Variants in SLC24A3 observed in about 807,000 individuals in gnomAD.
SLC24A3 encodes the protein sodium/potassium/calcium exchanger 3.
Under a neutral mutation model 75.8 loss-of-function variants are expected in SLC24A3, and 28 were observed. The observed-to-expected ratio is 0.37, with a 90% CI of 0.27 to 0.51. The LOEUF is 0.51. SLC24A3 is among the 20% of genes least tolerant of loss of function. The pLI, the probability that SLC24A3 is intolerant of heterozygous loss-of-function variation, is 0.94. For missense variants in SLC24A3, 663 were observed against 847.8 expected (o/e 0.78, Z 2.71); for synonymous variants, 372 against 334.1 (o/e 1.11, Z -1.24).
chr20:19,430,426 A>G (rs1246040313), intron 2 of SLC24A3, among the ~76,000 whole-genome samples: 1 of 152,128 alleles, frequency 6.6e-6, no homozygotes, highest in Non-Finnish European at 1.5e-5. Context: ...GGTGAGGAAG[A>G]GAAAAAATAG....
chr20:19,392,673 G>T (rs540040133), intron 2 of SLC24A3, among the ~76,000 whole-genome samples: 1 of 152,152 alleles, frequency 6.6e-6, no homozygotes, highest in Non-Finnish European at 1.5e-5. Flanking sequence ...TGTTTGCCAG[G>T]CAATGGTCCT....
intron 2 of SLC24A3, among the ~76,000 whole-genome samples, chr20:19,489,042 T>C (rs1183912776): frequency 6.6e-6 from 1 of 152,218 alleles, no homozygotes; most frequent in African/African-American, 2.4e-5. Context: ...CCCGCATACG[T>C]CTTCTTTGCT....
chr20:19,372,430 G>A (rs1003068867), intron 2 of SLC24A3, among the ~76,000 whole-genome samples: 1 of 152,158 alleles, frequency 6.6e-6, no homozygotes, highest in Non-Finnish European at 1.5e-5. Flanking sequence ...ACTTTCTGAG[G>A]GTAAGGGATG....
chr20:19,525,362 G>A lies in SLC24A3; in HGVS notation c.348+9798G>A, dbSNP rs183042119. Among the ~76,000 whole-genome samples the A allele has an allele frequency of 2.2e-3, 334 of 152,270 alleles. 1 individual carries two copies. Among genetic ancestry groups the A allele is most frequent in the African/African-American group, 7.6e-3 (315 of 41,568 alleles). On this transcript the variant is annotated intron_variant, in intron 3 of 16. Transcript: ENST00000328041. ...CAGAAGCAGACCCTCAGACAAGGAGGCCAGGGCAGAGACTTTGGATGATGG... is the reference window on the plus strand; with the variant it reads ...CAGAAGCAGACCCTCAGACAAGGAGACCAGGGCAGAGACTTTGGATGATGG...
rs6136716 is a variant in SLC24A3 at position 19,415,004 on chromosome 20, T to C, written c.272-100484T>C. ...TATTTATTTTTACAGCCTTATAGTA[T>C]GTATCTTTAGTTAGAAACCACTTCA... On this transcript the variant is annotated intron_variant, in intron 2 of 16. Transcript: ENST00000328041. Among the ~76,000 whole-genome samples the C allele has an allele frequency of 2.8e-4, 42 of 152,372 alleles. No individual in the cohort carries two copies. The East Asian group carries it at 5.4e-3, about 20-fold the overall frequency.
At chr20:19,542,141 G>C (rs1309926450) in intron 3 of SLC24A3, among the ~76,000 whole-genome samples, 1 of 152,188 alleles carries the variant, frequency 6.6e-6, no homozygotes, top group African/African-American at 2.4e-5. Flanking sequence ...GCCCAGAGGA[G>C]GAAACACACT....
At chr20:19,253,641 G>A (rs749980235) in intron 1 of SLC24A3, among the ~76,000 whole-genome samples, 1 of 152,212 alleles carries the variant, frequency 6.6e-6, no homozygotes, top group African/African-American at 2.4e-5. Flanking sequence ...TCACCCCACT[G>A]TTACCCCCAT....
intron 6 of SLC24A3, among the ~76,000 whole-genome samples, chr20:19,591,099 G>A (rs951986150): frequency 6.6e-6 from 1 of 152,058 alleles, no homozygotes; most frequent in Non-Finnish European, 1.5e-5. Context: ...CCTGACAGAT[G>A]CTGTTGGTCC....
chr20:19,542,218 C>T (rs922772993), intron 3 of SLC24A3, among the ~76,000 whole-genome samples: 3 of 152,152 alleles, frequency 2.0e-5, no homozygotes, highest in Admixed American at 2.0e-4. Context: ...CCAATCTTCA[C>T]CTAGAGAATG....
At chr20:19,539,878 C>A (rs1297970982) in intron 3 of SLC24A3, among the ~76,000 whole-genome samples, 1 of 152,120 alleles carries the variant, frequency 6.6e-6, no homozygotes, top group Non-Finnish European at 1.5e-5. Context: ...ACCTAGCATG[C>A]CTGTGTGTTC....
chr20:19,295,398 G>A (rs1984034965), intron 2 of SLC24A3, among the ~76,000 whole-genome samples: 1 of 152,176 alleles, frequency 6.6e-6, no homozygotes, highest in South Asian at 2.1e-4. Context: ...ATGTTGAATA[G>A]GGGTGGTGAG....
At chr20:19,366,369 A>G (rs1385700208) in intron 2 of SLC24A3, among the ~76,000 whole-genome samples, 1 of 152,210 alleles carries the variant, frequency 6.6e-6, no homozygotes, top group Non-Finnish European at 1.5e-5. Flanking sequence ...ACGACCTTTA[A>G]ATGTCATTGA....
chr20:19,262,187 A>G, intron 1 of SLC24A3, among the ~76,000 whole-genome samples: 1 of 151,858 alleles, frequency 6.6e-6, no homozygotes, highest in African/African-American at 2.4e-5. Context: ...GCGGATCACG[A>G]GGTCAGGAGA....
chr20:19,530,881 T>C (rs2030285260), intron 3 of SLC24A3, among the ~76,000 whole-genome samples: 1 of 152,120 alleles, frequency 6.6e-6, no homozygotes, highest in African/African-American at 2.4e-5. Flanking sequence ...TAAACAGGTA[T>C]GGCTCCATGC....
At chr20:19,538,148 G>A (rs915501129) in intron 3 of SLC24A3, among the ~76,000 whole-genome samples, 26 of 152,238 alleles carry the variant, frequency 1.7e-4, no homozygotes, top group Admixed American at 1.0e-3. Flanking sequence ...AGGTGGCAAC[G>A]GTCACTCAAA....
intron 2 of SLC24A3, among the ~76,000 whole-genome samples, chr20:19,420,256 CT>C: frequency 2.3e-5 from 1 of 43,702 alleles, no homozygotes; most frequent in East Asian, 1.1e-3. Flanking sequence ...GGTTCCAAGT[CT>C]TTGCTATTGT....
At chr20:19,656,725 G>A (rs527693120) in intron 7 of SLC24A3, among the ~76,000 whole-genome samples, 34 of 152,308 alleles carry the variant, frequency 2.2e-4, no homozygotes, top group African/African-American at 7.5e-4. Flanking sequence ...ACAAGGTGGT[G>A]GAACAGAATG....
At chr20:19,464,048 T>C (rs1483016518) in intron 2 of SLC24A3, among the ~76,000 whole-genome samples, 1 of 152,210 alleles carries the variant, frequency 6.6e-6, no homozygotes, top group Non-Finnish European at 1.5e-5. Context: ...ACCTAGGCCA[T>C]TGGAAGTTAG....
intron 1 of SLC24A3, among the ~76,000 whole-genome samples, chr20:19,271,775 G>A (rs1404952765): frequency 6.6e-6 from 1 of 152,178 alleles, no homozygotes; most frequent in African/African-American, 2.4e-5. Flanking sequence ...TCATAAGTGG[G>A]AGCTAAGCTA....
Sources: allele counts gnomAD v4.1 joint callset (sites outside exome capture counted in the v4.1 genomes callset), GRCh38; gene constraint gnomAD v4.1.1; transcripts MANE v1.5; gene names NCBI Gene and HGNC (gene_info 2026-07-23, HGNC 2026-07-21).